COL21A1: variants seen among roughly 807,000 people sequenced by gnomAD.
COL21A1 encodes the protein collagen alpha-1(XXI) chain.
Under a neutral mutation model 137.9 loss-of-function variants are expected in COL21A1, and 149 were observed. That is an observed-to-expected ratio of 1.08 (90% CI 0.95 to 1.24). COL21A1 has a LOEUF of 1.24. COL21A1 is among the 50% of genes most tolerant of loss of function. COL21A1 has a pLI of 0.00. For missense variants in COL21A1, 1,167 were observed against 1,158.4 expected, an observed-to-expected ratio of 1.01 and a Z score of -0.11; for synonymous variants, 456 against 391.5, an observed-to-expected ratio of 1.16 and a Z score of -1.95.
intron 17 of COL21A1, among the ~76,000 whole-genome samples, chr6:56,096,243 A>G (rs1178530464): frequency 6.6e-6 from 1 of 151,762 alleles, no homozygotes; most frequent in African/African-American, 2.4e-5. Flanking sequence ...GGCTCCCCCC[A>G]TACCTATGTT....
intron 1 of COL21A1, among the ~76,000 whole-genome samples, chr6:56,316,477 C>CTTGTTTTTTTT (rs1764739006): frequency 1.3e-5 from 1 of 75,786 alleles, no homozygotes; most frequent in Non-Finnish European, 2.3e-5. Flanking sequence ...TCTAAATAGA[C>CTTGTTTTTTTT]TTTTTTTTTT....
intron 1 of COL21A1, among the ~76,000 whole-genome samples, chr6:56,274,456 A>G (rs2152332905): frequency 6.6e-6 from 1 of 152,356 alleles, no homozygotes; most frequent in Non-Finnish European, 1.5e-5. Flanking sequence ...ATGATTCTGT[A>G]CATAGAAAAC....
In COL21A1 at chr6:56,339,628, A is replaced by C. The variant is rs113544218; in HGVS notation, c.-39+54343T>G. Among the ~76,000 whole-genome samples the C allele has an allele frequency of 4.8e-3, 735 of 152,340 alleles. 6 individuals carry two copies. The highest frequency in any genetic ancestry group is 0.017 in the African/African-American group (706 of 41,582). On this transcript the variant is annotated intron_variant, in intron 1 of 28. Coordinates refer to the COL21A1 transcript ENST00000370819. ...ACACTTCATTAAAGCGACTCAGTTC[A>C]CTTTTGAAAGCCACATTCTTTTGAA...
chr6:56,297,231 A>G (rs2152336586), intron 1 of COL21A1, among the ~76,000 whole-genome samples: 1 of 152,270 alleles, frequency 6.6e-6, no homozygotes, highest in East Asian at 1.9e-4. Context: ...CTCAGCATGA[A>G]TAAAAGCCTG....
intron 1 of COL21A1, among the ~76,000 whole-genome samples, chr6:56,284,074 T>G (rs7765410): frequency 0.51 from 76,933 of 151,968 alleles, 20,718 homozygotes; most frequent in East Asian, 0.85. Flanking sequence ...TTGAGACAGG[T>G]TCTGGCTCTG....
chr6:56,289,041 A>G (rs889796140), intron 1 of COL21A1, among the ~76,000 whole-genome samples: 2 of 152,180 alleles, frequency 1.3e-5, no homozygotes, highest in African/African-American at 4.8e-5. Context: ...TGGTCATATT[A>G]ACTTTAAAAT....
intron 1 of COL21A1, among the ~76,000 whole-genome samples, chr6:56,361,313 C>T (rs755588032): frequency 3.3e-5 from 5 of 152,184 alleles, no homozygotes; most frequent in East Asian, 1.9e-4. Flanking sequence ...TGTCATGCTC[C>T]GTCTCATAAA....
At chr6:56,178,020 C>G (rs1379029761) in intron 3 of COL21A1, among the ~76,000 whole-genome samples, 4 of 152,002 alleles carry the variant, frequency 2.6e-5, no homozygotes, top group African/African-American at 7.2e-5. Flanking sequence ...GTGTTTAACT[C>G]TTCTAAGCAC....
intron 1 of COL21A1, among the ~76,000 whole-genome samples, chr6:56,212,333 G>A (rs566568876): frequency 2.0e-5 from 3 of 151,764 alleles, no homozygotes; most frequent in South Asian, 2.1e-4. Context: ...ATTGCTAATC[G>A]GGAACACAGC....
chr6:56,346,019 G>A (rs1765589786), intron 1 of COL21A1, among the ~76,000 whole-genome samples: 1 of 152,164 alleles, frequency 6.6e-6, no homozygotes, highest in African/African-American at 2.4e-5. Context: ...GGTGAAAAAT[G>A]AGTAGAACTG....
intron 1 of COL21A1, among the ~76,000 whole-genome samples, chr6:56,260,848 C>CTGTGTGTGTGTG (rs70986790): frequency 0.12 from 16,555 of 135,052 alleles, 1,548 homozygotes; most frequent in East Asian, 0.47. Flanking sequence ...CTTTAATTCA[C>CTGTGTGTGTGTG]TGTGTGTGTG....
At chr6:56,236,462 C>G (rs1253909054) in intron 1 of COL21A1, among the ~76,000 whole-genome samples, 1 of 151,972 alleles carries the variant, frequency 6.6e-6, no homozygotes, top group Non-Finnish European at 1.5e-5. Context: ...TTGGGATAAA[C>G]AATACTCATA....
intron 1 of COL21A1, among the ~76,000 whole-genome samples, chr6:56,365,932 T>C (rs1766089250): frequency 6.6e-6 from 1 of 152,112 alleles, no homozygotes; most frequent in Non-Finnish European, 1.5e-5. Context: ...AGAATTCTAA[T>C]CCCTAAAAAA....
chr6:56,282,633 A>G (rs954923624), intron 1 of COL21A1, among the ~76,000 whole-genome samples: 3 of 152,364 alleles, frequency 2.0e-5, no homozygotes, highest in Middle Eastern at 3.4e-3. Flanking sequence ...TGCCAGATGC[A>G]TTGTTTGAGG....
intron 1 of COL21A1, among the ~76,000 whole-genome samples, chr6:56,232,311 A>G (rs768340223): frequency 2.0e-5 from 3 of 152,066 alleles, no homozygotes; most frequent in Middle Eastern, 3.4e-3. Context: ...AGAAAACAAG[A>G]ACAATATGCA....
rs1562067872 is a variant in COL21A1, at chr6:56,351,275, T to C, written c.-39+42696A>G. The stretch of plus-strand genomic sequence containing the variant: ...GTGATACACTTAACAAATATTTTTG[T>C]AGTGCAATGAACAATGCTGAGAGGG... On this transcript the variant is annotated intron_variant, in intron 1 of 28. Transcript: ENST00000370819. 2.0e-5 allele frequency among the ~76,000 whole-genome samples: 3 copies of C among 152,356 alleles called. No individual in the cohort carries two copies. In the South Asian group the frequency reaches 6.2e-4, roughly 32 times the overall value.
At chr6:56,196,238 T>C (rs1028523138) in intron 1 of COL21A1, among the ~76,000 whole-genome samples, 1 of 152,108 alleles carries the variant, frequency 6.6e-6, no homozygotes, top group African/African-American at 2.4e-5. Context: ...ATAAAAGCCA[T>C]ATATGACAAA....
intron 10 of COL21A1, among the ~76,000 whole-genome samples, chr6:56,156,065 C>T (rs1417707094): frequency 1.3e-5 from 2 of 152,178 alleles, no homozygotes; most frequent in Non-Finnish European, 2.9e-5. Context: ...ATAAATATAT[C>T]CCAGTGTATA....
intron 1 of COL21A1, among the ~76,000 whole-genome samples, chr6:56,223,979 GTCTC>G: frequency 6.6e-6 from 1 of 152,176 alleles, no homozygotes; most frequent in East Asian, 1.9e-4. Flanking sequence ...GGGAGACAGT[GTCTC>G]TCTCCTGGGA....
Sources: allele counts gnomAD v4.1 joint callset (sites outside exome capture counted in the v4.1 genomes callset), GRCh38; gene constraint gnomAD v4.1.1; transcripts MANE v1.5; gene names NCBI Gene and HGNC (gene_info 2026-07-23, HGNC 2026-07-21).